The following COL20A1 variants were observed in gnomAD, a reference collection of about 807,000 sequenced individuals.
COL20A1 encodes the protein collagen alpha-1(XX) chain.
A neutral mutation model predicts 152.9 loss-of-function variants in COL20A1; 164 were observed. That is an observed-to-expected ratio of 1.07 (90% CI 0.94 to 1.22). The LOEUF (loss-of-function observed/expected upper bound fraction) is 1.22, where lower values mean the gene tolerates loss of function less well. Ranked by LOEUF, COL20A1 falls within the 50% of genes most tolerant of loss-of-function variation. COL20A1 has a pLI of 0.00. For synonymous variants in COL20A1, 864 were observed against 756.0 expected (o/e 1.14, Z -2.34); for missense variants, 1,873 against 1,744.8 (o/e 1.07, Z -1.31).
chr20:63,322,654 C>CT (rs2068182498), intron 27 of COL20A1, among the ~76,000 whole-genome samples: 1 of 152,260 alleles, frequency 6.6e-6, no homozygotes. Flanking sequence ...AGCAGCCCCC[C>CT]ACCCCAGGCG....
At chr20:63,309,207 A>G in intron 8 of COL20A1, 126 bp from the exon 9 acceptor site, 1 of 667,196 alleles carries the variant, frequency 1.5e-6, no homozygotes, top group Non-Finnish European at 2.3e-6. Context: ...TGTGGGTGGC[A>G]GGTGGGCCGA....
In COL20A1 at chr20:63,297,940, C is replaced by T. The variant is rs2067819346; in HGVS notation, c.113C>T (p.Pro38Leu). ...ASGLLRLAVLPEDRLQMKWRE... is the reference protein window; with the variant it reads ...ASGLLRLAVLLEDRLQMKWRE... The stretch of plus-strand genomic sequence containing the variant: ...GGTCTCCTGAGGCTGGCTGTGCTGC[C>T]TGAGGACCGGCTGCAGATGAAGTGG... Residue 38 changes from proline (P) to leucine (L), a missense_variant, in exon 3 of 36, where the codon CCT (proline) becomes CTT (leucine). By Grantham distance (98) the Pro-to-Leu change is moderately conservative. Transcript: ENST00000358894. 1.2e-6 allele frequency: 2 copies of T among 1,613,430 alleles called. No individual in the cohort carries two copies. Among genetic ancestry groups the T allele is most frequent in the Non-Finnish European group, 1.7e-6 (2 of 1,179,836 alleles).
At position 63,313,183 on chromosome 20, in the gene COL20A1, G is replaced by A. The variant is rs200875270; in HGVS notation, c.2143G>A (p.Val715Ile). 2.5e-5 allele frequency: 41 copies of A among 1,612,534 alleles called. No individual in the cohort carries two copies. The Admixed American group carries it at 3.0e-4, about 12-fold the overall frequency. The stretch of plus-strand genomic sequence containing the variant: ...CCTAGGGAGGCACACAGAGTACGAC[G>A]TCACCATCTTGGCCTACTACAGGGA... The part of the protein sequence containing the change: ...PGLGRHTEYD[V>I]TILAYYRDGA... The change falls in exon 17 of 36, where the codon GTC becomes ATC. Residue 715 changes from valine to isoleucine, a missense_variant. Val to Ile is a conservative substitution (Grantham distance 29). Coordinates refer to ENST00000358894, the MANE Select transcript of COL20A1 (RefSeq NM_020882.4). This position sits in a 1 kb window ranked among gnomAD's most constrained non-coding sequence, Gnocchi z 5.9.
chr20:63,331,155 T>A lies in COL20A1; in HGVS notation c.*439T>A, dbSNP rs548611090. Reference sequence around the variant, plus strand: ...CCTTTCTCTGGGCCTCATCTAAGCCTGGCCAGGGCCCTGTGGGCCCGCCTC... The same window carrying A: ...CCTTTCTCTGGGCCTCATCTAAGCCAGGCCAGGGCCCTGTGGGCCCGCCTC... On this transcript the variant is annotated 3_prime_UTR_variant, in exon 36 of 36. Coordinates refer to ENST00000358894, the MANE Select transcript of COL20A1 (RefSeq NM_020882.4). 1 of 152,304 alleles carries A rather than the reference T, an allele frequency of 6.6e-6. No homozygotes were observed. Among genetic ancestry groups the A allele is most frequent in the Non-Finnish European group, 1.5e-5 (1 of 68,108 alleles). The allele number at this position is 152,304 out of a possible 1,614,324, so 9.4% of individuals were successfully genotyped here.
Position 63,305,035 on chromosome 20 carries a change from A to T in COL20A1, c.194-382A>T, listed in dbSNP as rs950142021. Among the ~76,000 whole-genome samples the T allele has an allele frequency of 6.6e-6, 1 of 152,086 alleles. No homozygotes were observed. The highest frequency in any genetic ancestry group is 1.5e-5 in the Non-Finnish European group (1 of 68,012). ...AGCCCATAGGGTAGGAGCCTGTGGG[A>T]GTGGGCAGGGCCCTGGCCCCGGACT... On this transcript the variant is annotated intron_variant, in intron 3 of 35. Coordinates refer to ENST00000358894, the MANE Select transcript of COL20A1 (RefSeq NM_020882.4). This position sits in a 1 kb window ranked among gnomAD's most constrained non-coding sequence, Gnocchi z 4.9.
In COL20A1 at chr20:63,328,479, C is replaced by A; in HGVS notation, c.3762C>A (p.Gly1254=). Residue 1254 remains glycine (G), a synonymous_variant, in exon 34 of 36, where the codon GGC becomes GGA. Coordinates refer to ENST00000358894, the MANE Select transcript of COL20A1 (RefSeq NM_020882.4). ...TTCCTGGAGAATGGGGGCGTGGTGG[C>A]CGCCACCTTGAGGGCAGAGGTACTG... The part of the protein sequence containing the change: ...ALVPGEWGRG[G]RHLEGRGEPG... 1 of 1,611,682 alleles carries A rather than the reference C, an allele frequency of 6.2e-7. No homozygotes were observed. Among genetic ancestry groups the A allele is most frequent in the Non-Finnish European group, 8.5e-7 (1 of 1,179,214 alleles).
Position 63,305,498 on chromosome 20 carries a change from C to T in COL20A1, c.275C>T (p.Thr92Ile). 1 of 1,608,150 alleles carries T rather than the reference C, an allele frequency of 6.2e-7. No individual in the cohort carries two copies. Among genetic ancestry groups the T allele is most frequent in the Non-Finnish European group, 8.5e-7 (1 of 1,177,786 alleles). Reference protein sequence around the residue: ...VGGLSPSKGYTLQIFELTGSG... With the variant: ...VGGLSPSKGYILQIFELTGSG... ...GGCCTGAGCCCCTCCAAGGGCTACA[C>T]CTTGCAGATCTTCGAGCTCACTGGC... is the stretch of plus-strand genomic sequence containing the variant. Residue 92 changes from threonine to isoleucine, a missense_variant, in exon 4 of 36, where the codon ACC becomes ATC. By Grantham distance (89) the Thr-to-Ile change is moderately conservative. Transcript: ENST00000358894. The surrounding 1 kb of genome is among the most constrained non-coding windows in gnomAD (Gnocchi z 4.9).
intron 21 of COL20A1, among the ~76,000 whole-genome samples, chr20:63,317,965 G>A (rs536466988): frequency 1.3e-5 from 2 of 152,086 alleles, no homozygotes; most frequent in African/African-American, 2.4e-5. Flanking sequence ...CCTGCAGCCC[G>A]AGGCAGCTTC....
Position 63,298,003 on chromosome 20 carries a change from A to C in COL20A1, c.176A>C (p.Gln59Pro). The C allele has an allele frequency of 6.2e-7, 1 of 1,611,400 alleles. No homozygotes were observed. The highest frequency in any genetic ancestry group is 1.1e-5 in the South Asian group (1 of 91,062). The change falls in exon 3 of 36, where the codon CAG (glutamine) becomes CCG (proline). Residue 59 changes from glutamine to proline, a missense_variant. Coordinates refer to ENST00000358894, the MANE Select transcript of COL20A1 (RefSeq NM_020882.4). ...SEGSGLGYLV[Q>P]VKPMAGDSEQ... ...GGGAGCGGCCTCGGCTACCTGGTGC[A>C]GGTGAAGCCCATGGCAGGTGAGGAC...
At chr20:63,329,358 C>T in intron 34 of COL20A1, 2 of 579,350 alleles carry the variant, frequency 3.5e-6, no homozygotes, top group South Asian at 2.1e-5. Flanking sequence ...CCACCTGACG[C>T]CTTCCCACCT....
In COL20A1 at chr20:63,328,555, C is replaced by T. The variant is rs772604818; in HGVS notation, c.3781+57C>T. 7 of 1,511,488 alleles carry T rather than the reference C, an allele frequency of 4.6e-6. No individual in the cohort carries two copies. In the South Asian group the frequency reaches 4.8e-5, roughly 10 times the overall value. 93.6% of individuals were successfully genotyped at this position (1,511,488 alleles called of 1,614,324 possible). A position where few individuals can be genotyped will look rare whatever the true frequency, so the allele number is the denominator to read the frequency against. ...TGTGGCCGGTGGGGGCGCCGGTTGT[C>T]CCCTGGTCCTGGGGCTGGGGCTTCA... On this transcript the variant is annotated intron_variant, in intron 34 of 35. Transcript: ENST00000358894.
rs747629871 is a variant in COL20A1, at chr20:63,319,618, C to G, written c.2916+22C>G. 1 of 1,514,268 alleles carries G rather than the reference C, an allele frequency of 6.6e-7. No individual in the cohort carries two copies. Among genetic ancestry groups the G allele is most frequent in the Admixed American group, 1.9e-5 (1 of 51,408 alleles). The allele number at this position is 1,514,268 out of a possible 1,614,324, so 93.8% of individuals were successfully genotyped here. A position where few individuals can be genotyped will look rare whatever the true frequency, so the allele number is the denominator to read the frequency against. On this transcript the variant is annotated intron_variant, in intron 23 of 35. Transcript: ENST00000358894. The surrounding 1 kb of genome is among the most constrained non-coding windows in gnomAD (Gnocchi z 4.4). The stretch of plus-strand genomic sequence containing the variant: ...CAAGGTCCTGGTGCAGCTCGCGCCC[C>G]TCTCCCCCGTTCCCCCAGCTCTGGG...
chr20:63,317,856 G>A (rs1024060498), intron 21 of COL20A1, among the ~76,000 whole-genome samples: 2 of 152,020 alleles, frequency 1.3e-5, no homozygotes, highest in African/African-American at 2.4e-5. Flanking sequence ...CTCAGGTGGT[G>A]TAGACGCCCC....
rs149906774 is a variant in COL20A1 at position 63,313,670 on chromosome 20, G to C, written c.2210-73G>C. The C allele has an allele frequency of 1.4e-4, 200 of 1,416,372 alleles. No individual in the cohort carries two copies. The Middle Eastern group carries it at 3.1e-3, about 22-fold the overall frequency. The allele number at this position is 1,416,372 out of a possible 1,614,324, so 87.7% of individuals were successfully genotyped here. A position where few individuals can be genotyped will look rare whatever the true frequency, so the allele number is the denominator to read the frequency against. On this transcript the variant is annotated intron_variant, in intron 17 of 35. Transcript: ENST00000358894. This position sits in a 1 kb window ranked among gnomAD's most constrained non-coding sequence, Gnocchi z 5.9. ...CGCAGAGCAGGGTAGGGGCTGGGCA[G>C]CTGGTCCTCTGGCCACCGGGTGCCT...
chr20:63,327,654 T>C lies in COL20A1; in HGVS notation c.3529-298T>C, dbSNP rs1892398447. On this transcript the variant is annotated intron_variant, in intron 31 of 35. Coordinates refer to ENST00000358894, the MANE Select transcript of COL20A1 (RefSeq NM_020882.4). The stretch of plus-strand genomic sequence containing the variant: ...GGAGGGGTCTGTTCTCTGGGCAGTG[T>C]CCCACACCCGCCATCTCCCCTAGCA... 1.5e-5 allele frequency: 7 copies of C among 477,606 alleles called. No homozygotes were observed. In the South Asian group the frequency reaches 1.5e-4, roughly 10 times the overall value. The allele number at this position is 477,606 out of a possible 1,614,324, so 29.6% of individuals were successfully genotyped here.
intron 26 of COL20A1, among the ~76,000 whole-genome samples, chr20:63,321,794 C>T (rs958843815): frequency 3.3e-5 from 5 of 151,346 alleles, no homozygotes; most frequent in Non-Finnish European, 7.4e-5. Context: ...CAAGCACACT[C>T]TCTCTGAGCT....
In COL20A1 at chr20:63,310,403, C is replaced by G. The variant is rs1282962423; in HGVS notation, c.1286C>G (p.Ala429Gly). ...PREVVVEGPA[A>G]STELHNLASR... Reference sequence around the variant, plus strand: ...CAGGTGGTGGTGGAGGGACCCGCCGCCTCCACGGAGCTGCACAACCTGGCC... The same window carrying G: ...CAGGTGGTGGTGGAGGGACCCGCCGGCTCCACGGAGCTGCACAACCTGGCC... Residue 429 changes from alanine to glycine, a missense_variant, in exon 11 of 36, where the codon GCC becomes GGC. Transcript: ENST00000358894. 2 of 1,611,018 alleles carry G rather than the reference C, an allele frequency of 1.2e-6. No homozygotes were observed. Among genetic ancestry groups the G allele is most frequent in the East Asian group, 4.5e-5 (2 of 44,824 alleles).
chr20:63,300,576 C>G (rs940916404), intron 3 of COL20A1, among the ~76,000 whole-genome samples: 1 of 152,148 alleles, frequency 6.6e-6, no homozygotes, highest in African/African-American at 2.4e-5. Context: ...AATCTTCTCT[C>G]TGCTTTCAAA....
At chr20:63,309,129 G>A (rs951584695) in intron 8 of COL20A1, among the ~76,000 whole-genome samples, 1 of 152,190 alleles carries the variant, frequency 6.6e-6, no homozygotes, top group Non-Finnish European at 1.5e-5. Flanking sequence ...CAGATTTCGA[G>A]GCAGGAGTCC....
Sources: allele counts gnomAD v4.1 joint callset (sites outside exome capture counted in the v4.1 genomes callset), GRCh38; gene constraint gnomAD v4.1.1; non-coding constraint Gnocchi (gnomAD v3.1); transcripts MANE v1.5; gene names NCBI Gene and HGNC (gene_info 2026-07-23, HGNC 2026-07-21).